RGS19: variants seen among roughly 807,000 people sequenced by gnomAD.
RGS19 encodes the protein regulator of G protein signaling 19, also known as G alpha interacting protein.
In RGS19, 9 loss-of-function variants were observed where a neutral mutation model predicts 22.0. The observed-to-expected ratio is 0.41, with a 90% CI of 0.25 to 0.71. The LOEUF (loss-of-function observed/expected upper bound fraction) is 0.71. Among genes scored for constraint, RGS19 ranks in the 30% least tolerant of loss-of-function variants. The pLI is 0.32. For synonymous variants in RGS19, 130 were observed against 127.3 expected, an observed-to-expected ratio of 1.02 and a Z score of -0.14; for missense variants, 256 against 307.1, an observed-to-expected ratio of 0.83 and a Z score of 1.24.
upstream of RGS19, chr20:64,079,603 T>C (rs1372881472): frequency 2.0e-5 from 3 of 151,184 alleles, no homozygotes; most frequent in Non-Finnish European, 4.4e-5. This position sits in a 1 kb window ranked among gnomAD's most constrained non-coding sequence, Gnocchi z 5.1. Flanking sequence ...CGCGGAAACC[T>C]GGGTTCTTCC....
Position 64,075,026 on chromosome 20 carries a change from C to T in RGS19, c.153-485G>A, listed in dbSNP as rs1436325850. Reference sequence around the variant, plus strand: ...AGATGGGGTGGGGCAAGATGAGGGGCCACAAGGAGCTGGGAGATCCCTGAA... The same window carrying T: ...AGATGGGGTGGGGCAAGATGAGGGGTCACAAGGAGCTGGGAGATCCCTGAA... On this transcript the variant is annotated intron_variant, in intron 3 of 5. Transcript: ENST00000395042. The surrounding 1 kb of genome is among the most constrained non-coding windows in gnomAD (Gnocchi z 4.6). Among the ~76,000 whole-genome samples the T allele has an allele frequency of 6.6e-6, 1 of 152,038 alleles. No individual in the cohort carries two copies. Among genetic ancestry groups the T allele is most frequent in the East Asian group, 1.9e-4 (1 of 5,180 alleles).
chr20:64,076,703 C>A, intron 2 of RGS19, 57 bp from the exon 3 acceptor site: 1 of 1,535,948 alleles, frequency 6.5e-7, no homozygotes, highest in Non-Finnish European at 8.9e-7. Flanking sequence ...GACTCTCCAC[C>A]TCTCCCCCAC....
chr20:64,073,555 T>C lies in RGS19; in HGVS notation c.*298A>G, dbSNP rs1234473553. On this transcript the variant is annotated 3_prime_UTR_variant, in exon 6 of 6. Transcript: ENST00000395042. The stretch of plus-strand genomic sequence containing the variant: ...CCAGCATGGCTCCTGGGGGGACCCC[T>C]ACTCTCACCACGCAAGAGCCCCCAG... 8.1e-6 allele frequency: 3 copies of C among 368,302 alleles called. No individual in the cohort carries two copies. Among genetic ancestry groups the C allele is most frequent in the Non-Finnish European group, 9.9e-6 (2 of 201,214 alleles). 22.8% of individuals were successfully genotyped at this position (368,302 alleles called of 1,614,324 possible).
rs1195439818 is a variant in RGS19, at chr20:64,079,031, G to A, written c.-69+263C>T. On this transcript the variant is annotated intron_variant, in intron 1 of 5. Transcript: ENST00000395042. This position sits in a 1 kb window ranked among gnomAD's most constrained non-coding sequence, Gnocchi z 5.1. ...CATAACCTTTGGGAGGGGGGTTGAA[G>A]AGGGGCTCCATTCTCAGTCCTTAGC... Among the ~76,000 whole-genome samples the A allele has an allele frequency of 2.0e-5, 3 of 152,290 alleles. No homozygotes were observed. Among genetic ancestry groups the A allele is most frequent in the East Asian group, 1.9e-4 (1 of 5,178 alleles).
chr20:64,076,717 C>A, intron 2 of RGS19, 71 bp from the exon 3 acceptor site: 1 of 1,522,968 alleles, frequency 6.6e-7, no homozygotes, highest in African/African-American at 1.4e-5. Context: ...CCCCCACCTT[C>A]CCATGGGTAG....
rs1191893646 is a variant in RGS19, at chr20:64,073,889, C to T, written c.618G>A (p.Leu206=). ...FLSSPTYRAL[L]LQGPSQSSSE... Reference sequence around the variant, plus strand: ...AGGAGGACTGTGATGGCCCCTGCAGCAGCAGGGCACGGTAGGTGGGAGAGC... The same window carrying T: ...AGGAGGACTGTGATGGCCCCTGCAGTAGCAGGGCACGGTAGGTGGGAGAGC... The change falls in exon 6 of 6, where the codon CTG becomes CTA. Residue 206 remains leucine, a synonymous_variant. Transcript: ENST00000395042. 2 of 1,613,184 alleles carry T rather than the reference C, an allele frequency of 1.2e-6. No homozygotes were observed. The highest frequency in any genetic ancestry group is 8.5e-7 in the Non-Finnish European group (1 of 1,179,660).
intron 2 of RGS19, 41 bp downstream of exon 2, chr20:64,076,816 T>C: frequency 1.3e-6 from 2 of 1,574,708 alleles, no homozygotes; most frequent in Non-Finnish European, 1.7e-6. Flanking sequence ...CCCCACCCCA[T>C]CTCCCCCAGG....
Position 64,074,237 on chromosome 20 carries a change from G to T in RGS19, c.369C>A (p.Cys123Ter). 6.2e-7 allele frequency: 1 copy of T among 1,613,886 alleles called. No individual in the cohort carries two copies. Among genetic ancestry groups the T allele is most frequent in the Non-Finnish European group, 8.5e-7 (1 of 1,180,006 alleles). The change falls in exon 5 of 6, where the codon TGC becomes TGA. Residue 123 changes from cysteine to a stop codon, truncating the protein, a stop_gained. Transcript: ENST00000395042. LOFTEE classifies it high-confidence loss of function. Reference sequence around the variant, plus strand: ...GGTTGGCCTCGGCCTTCAGCTCCTCGCAGGCCAACCAGAAGAGCATGTTCT... The same window carrying T: ...GGTTGGCCTCGGCCTTCAGCTCCTCTCAGGCCAACCAGAAGAGCATGTTCT... The part of the protein sequence containing the change: ...SEENMLFWLA[C>*]EELKAEANQH...
chr20:64,076,965 G>A lies in RGS19; in HGVS notation c.-68-11C>T. 3.7e-6 allele frequency: 5 copies of A among 1,333,710 alleles called. No homozygotes were observed. Among genetic ancestry groups the A allele is most frequent in the Non-Finnish European group, 5.0e-6 (5 of 1,005,016 alleles). 82.6% of individuals were successfully genotyped at this position (1,333,710 alleles called of 1,614,324 possible). ...CCACAGCCTGGGGGTCTGGGGAGAG[G>A]GGCCAAGGTTCTGACTGAGAACCTG... is the stretch of plus-strand genomic sequence containing the variant. On this transcript the variant is annotated splice_polypyrimidine_tract_variant and intron_variant, in intron 1 of 5. Transcript: ENST00000395042.
rs776951919 is a variant in RGS19, at chr20:64,076,679, G to A, written c.31-33C>T. ...AAAGTGGGGCTACCTCAGCTTTCAG[G>A]TCAGAACCCACCAGACTCTCCACCT... On this transcript the variant is annotated intron_variant, in intron 2 of 5. Transcript: ENST00000395042. The A allele has an allele frequency of 6.3e-6, 10 of 1,577,288 alleles. No individual in the cohort carries two copies. The Admixed American group carries it at 1.4e-4, about 22-fold the overall frequency.
chr20:64,077,211 T>C (rs769992373), intron 1 of RGS19, among the ~76,000 whole-genome samples: 3 of 152,048 alleles, frequency 2.0e-5, no homozygotes, highest in Non-Finnish European at 4.4e-5. Context: ...CACTGGAGGT[T>C]CCGAGACACC....
At position 64,076,956 on chromosome 20, in the gene RGS19, TG is replaced by T; in HGVS notation, c.-68-3del. Reference sequence around the variant, plus strand: ...AGACCCTCACCACAGCCTGGGGGTCTGGGGAGAGGGGCCAAGGTTCTGACTG... The same window carrying T: ...AGACCCTCACCACAGCCTGGGGGTCTGGGAGAGGGGCCAAGGTTCTGACTG... On this transcript the variant is annotated splice_region_variant and splice_polypyrimidine_tract_variant and intron_variant, in intron 1 of 5. Transcript: ENST00000395042. The T allele has an allele frequency of 7.2e-7, 1 of 1,384,262 alleles. No homozygotes were observed. 85.7% of individuals were successfully genotyped at this position (1,384,262 alleles called of 1,614,324 possible).
intron 2 of RGS19, 75 bp from the exon 3 acceptor site, chr20:64,076,721 T>C (rs1249154524): frequency 1.5e-5 from 22 of 1,516,498 alleles, no homozygotes; most frequent in Non-Finnish European, 2.0e-5. Context: ...CACCTTCCCA[T>C]GGGTAGCCCT....
At chr20:64,074,590 G>A (rs1025920953) in intron 3 of RGS19, 49 bp from the exon 4 acceptor site, 26 of 1,497,508 alleles carry the variant, frequency 1.7e-5, no homozygotes, top group African/African-American at 1.4e-4. Flanking sequence ...ACGCCTCCAC[G>A]GCCACACAGG....
At chr20:64,074,656 G>T in intron 3 of RGS19, 115 bp from the exon 4 acceptor site, 1 of 948,752 alleles carries the variant, frequency 1.1e-6, no homozygotes, top group South Asian at 1.7e-5. Flanking sequence ...CAGGAGGGCA[G>T]CCCCTGCAGG....
chr20:64,073,867 A>G lies in RGS19; in HGVS notation c.640T>C (p.Ser214Pro). 1 of 1,611,070 alleles carries G rather than the reference A, an allele frequency of 6.2e-7. No individual in the cohort carries two copies. The highest frequency in any genetic ancestry group is 1.7e-4 in the Middle Eastern group (1 of 6,006). ...CTGGGGGCGGCCTAGGCCTCGGAGGAGGACTGTGATGGCCCCTGCAGCAGC... is the reference window on the plus strand; with the variant it reads ...CTGGGGGCGGCCTAGGCCTCGGAGGGGGACTGTGATGGCCCCTGCAGCAGC... ...ALLLQGPSQS[S>P]SEA The change falls in exon 6 of 6, where the codon TCC becomes CCC. Residue 214 changes from serine to proline, a missense_variant. By Grantham distance (74) the Ser-to-Pro change is moderately conservative. Transcript: ENST00000395042.
Position 64,074,288 on chromosome 20 carries a change from C to T in RGS19, c.318G>A (p.Ala106=), listed in dbSNP as rs140669717. The part of the protein sequence containing the change: ...HSPAGRSVFR[A]FLRTEYSEEN... ...CCTCGCTGTACTCTGTCCGCAGGAA[C>T]GCCCGGAACACGCTGCGTCCCGCTG... is the stretch of plus-strand genomic sequence containing the variant. The change falls in exon 5 of 6, where the codon GCG becomes GCA. Residue 106 remains alanine, a synonymous_variant. Transcript: ENST00000395042. The T allele has an allele frequency of 1.8e-4, 298 of 1,613,254 alleles. 1 individual carries two copies. In the East Asian group the frequency reaches 3.4e-3, roughly 18 times the overall value.
In RGS19 at chr20:64,074,310, G is replaced by C. The variant is rs370994100; in HGVS notation, c.296C>G (p.Ala99Gly). 43 of 1,612,488 alleles carry C rather than the reference G, an allele frequency of 2.7e-5. No homozygotes were observed. The highest frequency in any genetic ancestry group is 2.8e-5 in the Non-Finnish European group (33 of 1,179,992). The change falls in exon 5 of 6, where the codon GCG (alanine) becomes GGG (glycine). Residue 99 changes from alanine to glycine, a missense_variant. Coordinates refer to ENST00000395042, the MANE Select transcript of RGS19 (RefSeq NM_005873.3). Reference protein sequence around the residue: ...QSFDKLMHSPAGRSVFRAFLR... With the variant: ...QSFDKLMHSPGGRSVFRAFLR... ...GAACGCCCGGAACACGCTGCGTCCCGCTGGGCTGTGCATCAGCTTGTCAAA... is the reference window on the plus strand; with the variant it reads ...GAACGCCCGGAACACGCTGCGTCCCCCTGGGCTGTGCATCAGCTTGTCAAA...
Position 64,073,902 on chromosome 20 carries a change from T to G in RGS19, c.605A>C (p.Tyr202Ser). 6.2e-7 allele frequency: 1 copy of G among 1,613,430 alleles called. No individual in the cohort carries two copies. The highest frequency in any genetic ancestry group is 8.5e-7 in the Non-Finnish European group (1 of 1,179,762). ...TGGCCCCTGCAGCAGCAGGGCACGG[T>G]AGGTGGGAGAGCTGAGGAAGCGGGG... The part of the protein sequence containing the change: ...SYPRFLSSPT[Y>S]RALLLQGPSQ... The change falls in exon 6 of 6, where the codon TAC becomes TCC. Residue 202 changes from tyrosine to serine, a missense_variant. By Grantham distance (144) the Tyr-to-Ser change is moderately radical (BLOSUM62 -2). Transcript: ENST00000395042.
Sources: allele counts gnomAD v4.1 joint callset (sites outside exome capture counted in the v4.1 genomes callset), GRCh38; gene constraint gnomAD v4.1.1; non-coding constraint Gnocchi (gnomAD v3.1); transcripts MANE v1.5; gene names NCBI Gene and HGNC (gene_info 2026-07-23, HGNC 2026-07-21).